Variants in TTC23 observed in about 807,000 individuals in gnomAD.
The protein encoded by TTC23 is tetratricopeptide repeat domain 23.
In TTC23, 58 loss-of-function variants were observed where a neutral mutation model predicts 55.1. The ratio of observed to expected loss-of-function variants is 1.05; its 90% CI spans 0.85 to 1.31. The LOEUF (loss-of-function observed/expected upper bound fraction) is 1.31, where lower values mean the gene tolerates loss of function less well. TTC23 is among the 50% of genes most tolerant of loss of function. The probability of loss-of-function intolerance (pLI) is 0.00; values close to 1 mark genes in which losing one functional copy is unlikely to be tolerated. For synonymous variants in TTC23, 203 were observed against 199.9 expected (o/e 1.02, Z -0.13); for missense variants, 516 against 534.4 (o/e 0.97, Z 0.34).
intron 3 of TTC23, among the ~76,000 whole-genome samples, chr15:99,235,869 T>C (rs1160303423): frequency 6.6e-6 from 1 of 152,248 alleles, no homozygotes; most frequent in Non-Finnish European, 1.5e-5. Context: ...TGAATCTGAC[T>C]GCTCTAGGTA....
intron 6 of TTC23, among the ~76,000 whole-genome samples, chr15:99,220,424 CA>C (rs1047127396): frequency 6.6e-6 from 1 of 152,160 alleles, no homozygotes; most frequent in Non-Finnish European, 1.5e-5. Context: ...CCCCAGATGG[CA>C]GGACAAACTG....
At chr15:99,217,715 C>T (rs2077584905) in intron 8 of TTC23, among the ~76,000 whole-genome samples, 1 of 152,190 alleles carries the variant, frequency 6.6e-6, no homozygotes, top group Non-Finnish European at 1.5e-5. Flanking sequence ...ATTGTGATCA[C>T]AAAAGAAGAT....
intron 9 of TTC23, among the ~76,000 whole-genome samples, chr15:99,196,966 C>T (rs2075767839): frequency 6.6e-6 from 1 of 152,214 alleles, no homozygotes; most frequent in Non-Finnish European, 1.5e-5. Flanking sequence ...GTTTAACCTT[C>T]AGACCTTACC....
At chr15:99,210,513 G>A (rs1354399824) in intron 8 of TTC23, among the ~76,000 whole-genome samples, 5 of 152,180 alleles carry the variant, frequency 3.3e-5, no homozygotes, top group Non-Finnish European at 7.3e-5. Context: ...TCCCACAGGA[G>A]CAGCTGACAG....
chr15:99,163,547 G>C (rs2071665712), intron 10 of TTC23, among the ~76,000 whole-genome samples: 1 of 152,196 alleles, frequency 6.6e-6, no homozygotes, highest in African/African-American at 2.4e-5. Flanking sequence ...TAATAAATGG[G>C]TGAGTAAACA....
At position 99,175,164 on chromosome 15, in the gene TTC23, A is replaced by G. The variant is rs762299757; in HGVS notation, c.760-9T>C. On this transcript the variant is annotated splice_polypyrimidine_tract_variant and intron_variant, in intron 9 of 13. Transcript: ENST00000394132. Reference sequence around the variant, plus strand: ...AGGATGATAAGATGTGCCTGTCACCACAGAAAGAAGAAACATGTTGTTTAC... The same window carrying G: ...AGGATGATAAGATGTGCCTGTCACCGCAGAAAGAAGAAACATGTTGTTTAC... 1 of 1,609,430 alleles carries G rather than the reference A, an allele frequency of 6.2e-7. No homozygotes were observed. The highest frequency in any genetic ancestry group is 1.1e-5 in the South Asian group (1 of 90,930).
intron 5 of TTC23, among the ~76,000 whole-genome samples, chr15:99,224,786 T>C (rs1483504057): frequency 6.6e-6 from 1 of 152,332 alleles, no homozygotes; most frequent in African/African-American, 2.4e-5. Flanking sequence ...GTACAAATTG[T>C]GGAGTTTTTG....
chr15:99,201,159 C>T (rs1044752159), intron 8 of TTC23, among the ~76,000 whole-genome samples: 1 of 152,092 alleles, frequency 6.6e-6, no homozygotes, highest in Non-Finnish European at 1.5e-5. Context: ...AAATGTGTTA[C>T]TTTTATATCA....
Position 99,221,807 on chromosome 15 carries a change from C to G in TTC23, c.238G>C (p.Gly80Arg). 8.1e-6 allele frequency: 13 copies of G among 1,614,162 alleles called. No individual in the cohort carries two copies. Among genetic ancestry groups the G allele is most frequent in the Non-Finnish European group, 1.1e-5 (13 of 1,180,026 alleles). Residue 80 changes from glycine to arginine, a missense_variant, in exon 6 of 14, where the codon GGA (glycine) becomes CGA (arginine). Physicochemically the swap from Gly to Arg is moderately radical, Grantham distance 125 (BLOSUM62 -2). Coordinates refer to ENST00000394132, the MANE Select transcript of TTC23 (RefSeq NM_001288615.3). ...TCTGCTAGTTTCCAATGTGAGTCTC[C>G]ATAGCAAATTCTTGTCAGTGCTACG... Reference protein sequence around the residue: ...RCVALTRICYGDSHWKLAEAH... With the variant: ...RCVALTRICYRDSHWKLAEAH...
chr15:99,207,848 G>T (rs996397933), intron 8 of TTC23, among the ~76,000 whole-genome samples: 1 of 152,164 alleles, frequency 6.6e-6, no homozygotes, highest in African/African-American at 2.4e-5. Flanking sequence ...TGAATAACAA[G>T]AATTTACACA....
chr15:99,139,923 T>G, intron 12 of TTC23: 1 of 376,994 alleles, frequency 2.7e-6, no homozygotes, highest in Non-Finnish European at 4.7e-6. Flanking sequence ...TTCTGCTTAC[T>G]TTAAGTCTTG....
At chr15:99,229,981 T>C (rs185548912) in intron 4 of TTC23, among the ~76,000 whole-genome samples, 2 of 152,292 alleles carry the variant, frequency 1.3e-5, no homozygotes, top group Admixed American at 1.3e-4. Context: ...ATAGGAATAC[T>C]AAAATAACCA....
Position 99,138,739 on chromosome 15 carries a change from C to T in TTC23, c.1226+578G>A, listed in dbSNP as rs531673600. On this transcript the variant is annotated intron_variant, in intron 13 of 13. Coordinates refer to ENST00000394132, the MANE Select transcript of TTC23 (RefSeq NM_001288615.3). ...GGTTGCACTGGAGGCCTCCCTGGCTCGCCTTCCCTGCCCTCAAAGGGGATG... is the reference window on the plus strand; with the variant it reads ...GGTTGCACTGGAGGCCTCCCTGGCTTGCCTTCCCTGCCCTCAAAGGGGATG... Among the ~76,000 whole-genome samples, 42 of 152,348 alleles carry T rather than the reference C, an allele frequency of 2.8e-4. 1 individual carries two copies. The highest frequency in any genetic ancestry group is 9.4e-4 in the African/African-American group (39 of 41,590).
At chr15:99,157,768 G>A (rs2070813187) in intron 11 of TTC23, 1 of 152,212 alleles carries the variant, frequency 6.6e-6, no homozygotes, top group Admixed American at 6.5e-5. Flanking sequence ...TCAGGACATA[G>A]TATTTCCTGA....
intron 5 of TTC23, among the ~76,000 whole-genome samples, chr15:99,226,449 C>G (rs1448008571): frequency 1.3e-5 from 2 of 152,222 alleles, no homozygotes; most frequent in Middle Eastern, 3.4e-3. Context: ...AATCTTGTGC[C>G]TTTTCTGTAA....
intron 3 of TTC23, among the ~76,000 whole-genome samples, chr15:99,236,860 A>G (rs896555581): frequency 2.0e-5 from 3 of 152,090 alleles, no homozygotes; most frequent in East Asian, 1.9e-4. Flanking sequence ...AAAGTTTTCA[A>G]TTTTGAAGTA....
chr15:99,221,427 C>T (rs917808741), intron 6 of TTC23, among the ~76,000 whole-genome samples: 5 of 152,270 alleles, frequency 3.3e-5, no homozygotes, highest in Admixed American at 2.0e-4. Flanking sequence ...GCCCCTATTC[C>T]ATACCTTGGG....
intron 3 of TTC23, among the ~76,000 whole-genome samples, chr15:99,236,289 C>T (rs1469342743): frequency 6.6e-6 from 1 of 152,072 alleles, no homozygotes; most frequent in Non-Finnish European, 1.5e-5. Flanking sequence ...CTCCACATTC[C>T]CGACAAAACT....
intron 12 of TTC23, among the ~76,000 whole-genome samples, chr15:99,145,677 T>G (rs1319828777): frequency 2.6e-5 from 4 of 152,026 alleles, no homozygotes; most frequent in Non-Finnish European, 4.4e-5. Context: ...TATGTCTCTC[T>G]CTCTGTCTCT....
Sources: allele counts gnomAD v4.1 joint callset (sites outside exome capture counted in the v4.1 genomes callset), GRCh38; gene constraint gnomAD v4.1.1; transcripts MANE v1.5; gene names NCBI Gene and HGNC (gene_info 2026-07-23, HGNC 2026-07-21).